The following DIP2B variants were observed in gnomAD, a reference collection of about 807,000 sequenced individuals.
DIP2B encodes the protein disco-interacting protein 2 homolog B.
A neutral mutation model predicts 198.0 loss-of-function variants in DIP2B; 76 were observed. The observed-to-expected ratio is 0.38, with a 90% CI of 0.32 to 0.46. DIP2B has a LOEUF of 0.46. Among genes scored for constraint, DIP2B ranks in the 20% least tolerant of loss-of-function variants. DIP2B has a pLI of 0.99. For missense variants in DIP2B, 1,559 were observed against 1,978.4 expected (o/e 0.79, Z 4.02); for synonymous variants, 701 against 739.1 (o/e 0.95, Z 0.84).
rs138464724 is a variant in DIP2B, at chr12:50,724,511, T to G, written c.3289-264T>G. 1.4e-4 allele frequency among the ~76,000 whole-genome samples: 21 copies of G among 152,352 alleles called. No homozygotes were observed. The East Asian group carries it at 4.1e-3, about 29-fold the overall frequency. On this transcript the variant is annotated intron_variant, in intron 27 of 37. Coordinates refer to ENST00000301180, the MANE Select transcript of DIP2B (RefSeq NM_173602.3). Reference sequence around the variant, plus strand: ...GGGATTGTGGGATCTATACTGAGATTATAACTGAAATACTTTGAGAATCAC... The same window carrying G: ...GGGATTGTGGGATCTATACTGAGATGATAACTGAAATACTTTGAGAATCAC...
At chr12:50,508,523 G>A (rs1340633119) in intron 1 of DIP2B, among the ~76,000 whole-genome samples, 1 of 151,986 alleles carries the variant, frequency 6.6e-6, no homozygotes, top group African/African-American at 2.4e-5. Flanking sequence ...ACCACCCACC[G>A]CCCCTTTCTT....
intron 1 of DIP2B, among the ~76,000 whole-genome samples, chr12:50,578,569 G>A (rs1388724847): frequency 1.6e-4 from 23 of 143,888 alleles, no homozygotes; most frequent in African/African-American, 4.9e-4. Context: ...GTGCAGTGGC[G>A]CAATCTCGGC....
At chr12:50,548,084 TA>T (rs1355697108) in intron 1 of DIP2B, among the ~76,000 whole-genome samples, 1 of 152,058 alleles carries the variant, frequency 6.6e-6, no homozygotes, top group Admixed American at 6.6e-5. Flanking sequence ...AGAATAAAAA[TA>T]AATAAAATGT....
intron 2 of DIP2B, among the ~76,000 whole-genome samples, chr12:50,630,131 G>A (rs530816343): frequency 6.6e-6 from 1 of 151,794 alleles, no homozygotes; most frequent in Non-Finnish European, 1.5e-5. Flanking sequence ...TGTATTTTTA[G>A]TAGAGACAGG....
At position 50,741,558 on chromosome 12, in the gene DIP2B, A is replaced by T; in HGVS notation, c.4478+19A>T. The stretch of plus-strand genomic sequence containing the variant: ...CTGAATGGTAACTCCCTCAGCATAC[A>T]CTGTGCTTCCCACTTCAGCTTTAGT... On this transcript the variant is annotated intron_variant, in intron 37 of 37. Coordinates refer to ENST00000301180, the MANE Select transcript of DIP2B (RefSeq NM_173602.3). 1 of 1,607,388 alleles carries T rather than the reference A, an allele frequency of 6.2e-7. No homozygotes were observed. Among genetic ancestry groups the T allele is most frequent in the Non-Finnish European group, 8.5e-7 (1 of 1,176,458 alleles).
At chr12:50,690,253 AT>A (rs1362614126) in intron 12 of DIP2B, among the ~76,000 whole-genome samples, 1 of 152,026 alleles carries the variant, frequency 6.6e-6, no homozygotes, top group African/African-American at 2.4e-5. Flanking sequence ...CGCCCGGCTA[AT>A]TTTTTGTATT....
Position 50,623,510 on chromosome 12 carries a change from GACACACAC to G in DIP2B, c.101-2455_101-2448del, listed in dbSNP as rs149507592. Among the ~76,000 whole-genome samples, 7 of 74,098 alleles carry G rather than the reference GACACACAC, an allele frequency of 9.4e-5. No individual in the cohort carries two copies. In the South Asian group the frequency reaches 1.6e-3, roughly 17 times the overall value. The allele number at this position is 74,098 out of a possible 152,430, so 48.6% of individuals were successfully genotyped here. A position where few individuals can be genotyped will look rare whatever the true frequency, so the allele number is the denominator to read the frequency against. ...AAACAATTTAGTATATAGCCTTCCA[GACACACAC>G]ACACACACACGCACACACACACACA... On this transcript the variant is annotated intron_variant, in intron 1 of 37. Transcript: ENST00000301180.
chr12:50,600,824 A>C (rs2139441825), intron 1 of DIP2B, among the ~76,000 whole-genome samples: 1 of 151,948 alleles, frequency 6.6e-6, no homozygotes. Context: ...CTCCCCCTGG[A>C]AACCTCTTCC....
chr12:50,716,528 A>C (rs1939719781), intron 23 of DIP2B, among the ~76,000 whole-genome samples: 1 of 152,018 alleles, frequency 6.6e-6, no homozygotes, highest in African/African-American at 2.4e-5. Context: ...ACTCTGTCTC[A>C]AAAAACAAAA....
intron 22 of DIP2B, among the ~76,000 whole-genome samples, chr12:50,713,629 T>G (rs1023910740): frequency 6.6e-6 from 1 of 152,208 alleles, no homozygotes; most frequent in Non-Finnish European, 1.5e-5. Flanking sequence ...GGTAACATGG[T>G]GAATCACTTA....
chr12:50,737,537 C>T (rs906874883), intron 35 of DIP2B, among the ~76,000 whole-genome samples: 1 of 151,594 alleles, frequency 6.6e-6, no homozygotes, highest in Non-Finnish European at 1.5e-5. Flanking sequence ...TATATAAATA[C>T]ATATTATTTG....
chr12:50,629,144 A>G (rs1937993806), intron 2 of DIP2B, among the ~76,000 whole-genome samples: 1 of 152,138 alleles, frequency 6.6e-6, no homozygotes, highest in Non-Finnish European at 1.5e-5. Flanking sequence ...GGCCTCCCAA[A>G]GTGCTGGGAT....
At chr12:50,545,211 C>G (rs1211296069) in intron 1 of DIP2B, among the ~76,000 whole-genome samples, 2 of 152,090 alleles carry the variant, frequency 1.3e-5, no homozygotes, top group Non-Finnish European at 2.9e-5. Flanking sequence ...GTGGTATTAC[C>G]AGTTTTCCAA....
chr12:50,564,013 A>G (rs541955015), intron 1 of DIP2B, among the ~76,000 whole-genome samples: 5 of 151,964 alleles, frequency 3.3e-5, no homozygotes, highest in Non-Finnish European at 7.4e-5. Flanking sequence ...TTTTACCTCC[A>G]CTTTCCACTT....
intron 1 of DIP2B, among the ~76,000 whole-genome samples, chr12:50,617,713 G>A (rs1222048688): frequency 6.6e-6 from 1 of 152,138 alleles, no homozygotes; most frequent in East Asian, 1.9e-4. Context: ...GAAGGCTGAG[G>A]CAGGAGAAGC....
At chr12:50,682,583 C>A (rs995742379) in intron 9 of DIP2B, among the ~76,000 whole-genome samples, 1 of 142,808 alleles carries the variant, frequency 7.0e-6, no homozygotes, top group African/African-American at 2.6e-5. Context: ...GAGCTGAGAT[C>A]GCACCACTGC....
chr12:50,710,519 G>A (rs1446624739), intron 22 of DIP2B, among the ~76,000 whole-genome samples: 1 of 152,052 alleles, frequency 6.6e-6, no homozygotes. Flanking sequence ...CGCCTCCTGG[G>A]TTCAAGCGAT....
intron 1 of DIP2B, among the ~76,000 whole-genome samples, chr12:50,517,184 G>C (rs1958073294): frequency 6.6e-6 from 1 of 152,036 alleles, no homozygotes. Flanking sequence ...CTCCCAAAGT[G>C]CTGGGATTAC....
intron 1 of DIP2B, among the ~76,000 whole-genome samples, chr12:50,624,199 T>G (rs1222207667): frequency 6.6e-6 from 1 of 152,230 alleles, no homozygotes; most frequent in Non-Finnish European, 1.5e-5. Context: ...CTCTCTTTCC[T>G]GAGTTCTAGA....
Sources: gnomAD v4.1 joint callset for allele counts (sites outside exome capture counted in the v4.1 genomes callset) on GRCh38, gnomAD v4.1.1 for gene constraint, MANE v1.5 for transcripts, NCBI Gene and HGNC (gene_info 2026-07-23, HGNC 2026-07-21) for gene names.